MAGI2: variants seen among roughly 807,000 people sequenced by gnomAD.
MAGI2 encodes the protein membrane associated guanylate kinase, WW and PDZ domain containing 2.
In MAGI2, 35 loss-of-function variants were observed where a neutral mutation model predicts 133.3. The observed-to-expected ratio is 0.26, with a 90% CI of 0.20 to 0.35. The LOEUF is 0.35. Ranked by LOEUF, MAGI2 falls within the 10% of genes least tolerant of loss-of-function variation. The pLI, the probability that MAGI2 is intolerant of heterozygous loss-of-function variation, is 1.00. For missense variants in MAGI2, 1,636 were observed against 1,863.4 expected, an observed-to-expected ratio of 0.88 and a Z score of 2.25; for synonymous variants, 729 against 710.6, an observed-to-expected ratio of 1.03 and a Z score of -0.41.
At chr7:78,705,062 T>C (rs1003743383) in intron 2 of MAGI2, among the ~76,000 whole-genome samples, 4 of 152,018 alleles carry the variant, frequency 2.6e-5, no homozygotes. Context: ...CACTGTAAAT[T>C]GGAGTTTCCT....
rs184567688 is a variant in MAGI2, at chr7:78,084,542, G to T, written c.3568-5457C>A. Among the ~76,000 whole-genome samples the T allele has an allele frequency of 2.0e-5, 3 of 152,324 alleles. No homozygotes were observed. In the East Asian group the frequency reaches 5.8e-4, roughly 29 times the overall value. ...AAGCTTTCTTGAAATACTGCCTTAC[G>T]CAGTTCCATCCAAATCATGACAATT... On this transcript the variant is annotated intron_variant, in intron 20 of 21. Transcript: ENST00000354212.
rs372542490 is a variant in MAGI2, at chr7:79,339,465, T to TTTTTG, written c.301+113554_301+113555insCAAAA. On this transcript the variant is annotated intron_variant, in intron 1 of 21. Coordinates refer to ENST00000354212, the MANE Select transcript of MAGI2 (RefSeq NM_012301.4). Reference sequence around the variant, plus strand: ...ACAGGTTTGTTTGTTTTTGTTTTTGTTTTTTTTTTTTTTGAGGAATCACTA... The same window carrying TTTTTG: ...ACAGGTTTGTTTGTTTTTGTTTTTGTTTTTGTTTTTTTTTTTTTGAGGAATCACTA... Among the ~76,000 whole-genome samples the TTTTTG allele has an allele frequency of 9.5e-3, 721 of 76,028 alleles. 6 individuals carry two copies. Among genetic ancestry groups the TTTTTG allele is most frequent in the South Asian group, 0.089 (271 of 3,060 alleles). 49.9% of individuals were successfully genotyped at this position (76,028 alleles called of 152,430 possible). A position where few individuals can be genotyped will look rare whatever the true frequency, so the allele number is the denominator to read the frequency against.
chr7:78,961,711 A>G (rs934045609), intron 2 of MAGI2, among the ~76,000 whole-genome samples: 2 of 152,090 alleles, frequency 1.3e-5, no homozygotes, highest in African/African-American at 4.8e-5. Flanking sequence ...TGGTGTTTAG[A>G]GCTAAGCTTT....
intron 2 of MAGI2, among the ~76,000 whole-genome samples, chr7:78,870,378 G>A (rs1180065002): frequency 6.7e-6 from 1 of 148,546 alleles, no homozygotes; most frequent in East Asian, 2.0e-4. Context: ...AAAAATAGTA[G>A]TAGGCAAACG....
chr7:78,501,489 T>C (rs1794619028), intron 5 of MAGI2, 88 bp downstream of exon 5: 1 of 1,186,346 alleles, frequency 8.4e-7, no homozygotes, highest in Non-Finnish European at 1.2e-6. Flanking sequence ...TTTTTCTTTT[T>C]TTTTTTTTTT....
intron 1 of MAGI2, among the ~76,000 whole-genome samples, chr7:79,207,307 A>G (rs1289282146): frequency 6.6e-6 from 1 of 151,986 alleles, no homozygotes; most frequent in African/African-American, 2.4e-5. Context: ...ACATGGCCAT[A>G]TATATAGAAA....
chr7:79,212,188 C>T (rs1355693894), intron 1 of MAGI2, among the ~76,000 whole-genome samples: 1 of 151,966 alleles, frequency 6.6e-6, no homozygotes, highest in Non-Finnish European at 1.5e-5. Context: ...CATCAGAATA[C>T]AAAGATGTTG....
intron 7 of MAGI2, chr7:78,350,620 C>T (rs1196247120): frequency 6.6e-6 from 1 of 152,148 alleles, no homozygotes; most frequent in African/African-American, 2.4e-5. Context: ...AGGACTTCTG[C>T]CCTCAGAAGT....
chr7:78,926,911 CAG>C (rs1290639290), intron 2 of MAGI2, among the ~76,000 whole-genome samples: 2 of 151,408 alleles, frequency 1.3e-5, no homozygotes, highest in East Asian at 1.9e-4. Context: ...TGAGGGGAAA[CAG>C]TGAGAAAAAC....
intron 6 of MAGI2, among the ~76,000 whole-genome samples, chr7:78,477,304 G>T (rs1462427914): frequency 6.6e-6 from 1 of 151,918 alleles, no homozygotes; most frequent in African/African-American, 2.4e-5. Context: ...AATTGTGAAG[G>T]CATAGAAAAC....
intron 1 of MAGI2, among the ~76,000 whole-genome samples, chr7:79,354,856 T>C (rs1006110502): frequency 2.0e-5 from 3 of 152,190 alleles, no homozygotes; most frequent in African/African-American, 7.2e-5. Context: ...AGCTCCAGGA[T>C]ACTCCAACTC....
At chr7:79,132,104 G>C (rs953805218) in intron 1 of MAGI2, among the ~76,000 whole-genome samples, 1 of 151,946 alleles carries the variant, frequency 6.6e-6, no homozygotes, top group Non-Finnish European at 1.5e-5. Flanking sequence ...GTGATAAATG[G>C]TAATATCTTG....
chr7:78,694,177 T>C (rs117545506), intron 2 of MAGI2, among the ~76,000 whole-genome samples: 5,059 of 152,136 alleles, frequency 0.033, 112 homozygotes, highest in East Asian at 0.061. Context: ...AAATCCAAAG[T>C]ACCTAGCATA....
intron 2 of MAGI2, among the ~76,000 whole-genome samples, chr7:78,883,282 A>T (rs1286622162): frequency 6.6e-6 from 1 of 152,022 alleles, no homozygotes; most frequent in Non-Finnish European, 1.5e-5. Flanking sequence ...ACAAAACAAA[A>T]CCAAATAAAC....
chr7:79,356,708 G>C (rs1195682698), intron 1 of MAGI2, among the ~76,000 whole-genome samples: 3 of 152,156 alleles, frequency 2.0e-5, no homozygotes, highest in Non-Finnish European at 4.4e-5. Flanking sequence ...AGTCGAAGTA[G>C]ATCTTTATTT....
At chr7:78,669,108 T>A (rs1814008664) in intron 2 of MAGI2, among the ~76,000 whole-genome samples, 1 of 152,048 alleles carries the variant, frequency 6.6e-6, no homozygotes. Context: ...CAAAAAACCT[T>A]TCAAAAAATT....
At chr7:78,169,645 T>C (rs1013086578) in intron 14 of MAGI2, among the ~76,000 whole-genome samples, 1 of 152,232 alleles carries the variant, frequency 6.6e-6, no homozygotes, top group Non-Finnish European at 1.5e-5. Flanking sequence ...CCCACACTAC[T>C]TCTGCTTTCC....
At chr7:78,778,611 G>A (rs935982853) in intron 2 of MAGI2, among the ~76,000 whole-genome samples, 1 of 152,126 alleles carries the variant, frequency 6.6e-6, no homozygotes, top group African/African-American at 2.4e-5. Context: ...TTTCAAATTA[G>A]AGTAAAGGAA....
intron 1 of MAGI2, among the ~76,000 whole-genome samples, chr7:79,033,621 G>A (rs1810820786): frequency 6.6e-6 from 1 of 152,108 alleles, no homozygotes; most frequent in Admixed American, 6.5e-5. Flanking sequence ...TTTGCATTAG[G>A]AATCTTGGAA....
Sources: allele counts gnomAD v4.1 joint callset (sites outside exome capture counted in the v4.1 genomes callset), GRCh38; gene constraint gnomAD v4.1.1; transcripts MANE v1.5; gene names NCBI Gene and HGNC (gene_info 2026-07-23, HGNC 2026-07-21).